The following NUDCD3 variants were observed in gnomAD, a reference collection of about 807,000 sequenced individuals.
NUDCD3 encodes nudC domain-containing protein 3.
Under a neutral mutation model 39.7 loss-of-function variants are expected in NUDCD3, and 13 were observed. The ratio of observed to expected loss-of-function variants is 0.33; its 90% CI spans 0.21 to 0.52. The LOEUF (loss-of-function observed/expected upper bound fraction) is 0.52. NUDCD3 is among the 20% of genes least tolerant of loss of function. The pLI is 0.96. For missense variants in NUDCD3, 453 were observed against 458.1 expected (o/e 0.99, Z 0.10); for synonymous variants, 175 against 172.4 (o/e 1.02, Z -0.12).
At position 44,418,518 on chromosome 7, in the gene NUDCD3, T is replaced by C. The variant is rs527353690; in HGVS notation, c.642+9053A>G. Among the ~76,000 whole-genome samples, 47 of 152,356 alleles carry C rather than the reference T, an allele frequency of 3.1e-4. No homozygotes were observed. The South Asian group carries it at 8.9e-3, about 29-fold the overall frequency. ...TCCAGAGTGCTCACTGTTCCAGGCA[T>C]AACAACAAGGGAGATGACACTGTGG... On this transcript the variant is annotated intron_variant, in intron 3 of 5. Coordinates refer to ENST00000355451, the MANE Select transcript of NUDCD3 (RefSeq NM_015332.4).
At chr7:44,470,720 C>A (rs2116964370) in intron 2 of NUDCD3, among the ~76,000 whole-genome samples, 1 of 152,342 alleles carries the variant, frequency 6.6e-6, no homozygotes, top group East Asian at 1.9e-4. Context: ...CAGCTGACAG[C>A]CTGACGGCTC....
At chr7:44,434,276 C>T (rs1245427042) in intron 2 of NUDCD3, among the ~76,000 whole-genome samples, 2 of 152,152 alleles carry the variant, frequency 1.3e-5, no homozygotes, top group Non-Finnish European at 2.9e-5. Flanking sequence ...CGCCAGCAAC[C>T]CAGACGTAGC....
chr7:44,488,736 C>A (rs752688201), intron 1 of NUDCD3, among the ~76,000 whole-genome samples: 5 of 152,156 alleles, frequency 3.3e-5, no homozygotes, highest in Non-Finnish European at 4.4e-5. Flanking sequence ...TTTGACCCAT[C>A]CCTCCCCTTC....
rs756247647 is a variant in NUDCD3, at chr7:44,469,115, CAAA to C, written c.509+15850_509+15852del. 7.7e-3 allele frequency among the ~76,000 whole-genome samples: 254 copies of C among 32,848 alleles called. 2 individuals carry two copies. Among genetic ancestry groups the C allele is most frequent in the African/African-American group, 0.028 (199 of 7,112 alleles). The allele number at this position is 32,848 out of a possible 152,430, so 21.5% of individuals were successfully genotyped here. A position where few individuals can be genotyped will look rare whatever the true frequency, so the allele number is the denominator to read the frequency against. ...AGGGCCAGTTTTCAAACAAACAAAC[CAAA>C]AAAAAAAAAAAAAAAAAAAAAAACA... On this transcript the variant is annotated intron_variant, in intron 2 of 5. Coordinates refer to ENST00000355451, the MANE Select transcript of NUDCD3 (RefSeq NM_015332.4).
intron 5 of NUDCD3, among the ~76,000 whole-genome samples, chr7:44,389,866 G>A (rs911446700): frequency 2.6e-5 from 4 of 152,174 alleles, no homozygotes; most frequent in African/African-American, 9.7e-5. Context: ...GGGCAAGGAT[G>A]TAGAGAAGAA....
chr7:44,432,982 G>A (rs925038313), intron 2 of NUDCD3, among the ~76,000 whole-genome samples: 1 of 152,190 alleles, frequency 6.6e-6, no homozygotes, highest in Non-Finnish European at 1.5e-5. Flanking sequence ...TAGGAGGTAA[G>A]GCCTTTAGAA....
chr7:44,448,871 G>T (rs773839926), intron 2 of NUDCD3, among the ~76,000 whole-genome samples: 3 of 152,218 alleles, frequency 2.0e-5, no homozygotes, highest in Non-Finnish European at 2.9e-5. Context: ...CACAGTGATA[G>T]CATGATTTAG....
chr7:44,470,207 T>C (rs1800226040), intron 2 of NUDCD3, among the ~76,000 whole-genome samples: 1 of 152,168 alleles, frequency 6.6e-6, no homozygotes, highest in Non-Finnish European at 1.5e-5. Flanking sequence ...TTAACAGTTA[T>C]ATGAGAGAGA....
chr7:44,390,552 C>T (rs1798494842), intron 5 of NUDCD3, among the ~76,000 whole-genome samples: 1 of 152,120 alleles, frequency 6.6e-6, no homozygotes, highest in African/African-American at 2.4e-5. Context: ...CACAAAAAGA[C>T]ACTTCTAAGG....
rs1798298050 is a variant in NUDCD3, at chr7:44,381,078, G to A, written c.*4933C>T. On this transcript the variant is annotated 3_prime_UTR_variant, in exon 6 of 6. Transcript: ENST00000355451. ...TGGGGTCAGTGCAGCGGCAATGTCT[G>A]GGTTGTTGAGGGTTTTGATGGGTGA... 1.3e-5 allele frequency: 2 copies of A among 152,298 alleles called. No homozygotes were observed. The allele number at this position is 152,298 out of a possible 1,614,324, so 9.4% of individuals were successfully genotyped here.
chr7:44,392,239 C>A, intron 5 of NUDCD3, 58 bp downstream of exon 5: 1 of 1,535,094 alleles, frequency 6.5e-7, no homozygotes, highest in Non-Finnish European at 8.9e-7. Flanking sequence ...CCACTATCGG[C>A]CTTGTCACCA....
intron 1 of NUDCD3, among the ~76,000 whole-genome samples, chr7:44,489,616 A>G (rs1800689663): frequency 6.6e-6 from 1 of 152,206 alleles, no homozygotes; most frequent in Non-Finnish European, 1.5e-5. Flanking sequence ...TCTCTTATAA[A>G]AACTTCACTT....
chr7:44,442,821 G>A (rs542529346), intron 2 of NUDCD3, among the ~76,000 whole-genome samples: 2 of 149,130 alleles, frequency 1.3e-5, no homozygotes, highest in African/African-American at 2.5e-5. Context: ...TCAGCCTCCC[G>A]AGTAGCTGGG....
chr7:44,392,679 C>G (rs1378677425), intron 4 of NUDCD3, among the ~76,000 whole-genome samples, 194 bp from the exon 5 acceptor site: 1 of 152,182 alleles, frequency 6.6e-6, no homozygotes, highest in Non-Finnish European at 1.5e-5. Context: ...CATTTGCTGC[C>G]TGTGCTAACA....
chr7:44,381,939 G>A lies in NUDCD3; in HGVS notation c.*4072C>T, dbSNP rs1585043587. 2.0e-5 allele frequency: 3 copies of A among 152,408 alleles called. No individual in the cohort carries two copies. Among genetic ancestry groups the A allele is most frequent in the Admixed American group, 2.0e-4 (3 of 15,296 alleles). 9.4% of individuals were successfully genotyped at this position (152,408 alleles called of 1,614,324 possible). A position where few individuals can be genotyped will look rare whatever the true frequency, so the allele number is the denominator to read the frequency against. ...TCAGTGACAGTTCATCCTGCCATGG[G>A]CTCTGGTCTCCCCATCACCCTCTGA... On this transcript the variant is annotated 3_prime_UTR_variant, in exon 6 of 6. Coordinates refer to ENST00000355451, the MANE Select transcript of NUDCD3 (RefSeq NM_015332.4).
chr7:44,382,231 A>T lies in NUDCD3; in HGVS notation c.*3780T>A, dbSNP rs532649728. ...AGGAAGGTGAGGACTGAAAAACTAC[A>T]TATCAGGTATCATGCTGATTACCTG... is the stretch of plus-strand genomic sequence containing the variant. On this transcript the variant is annotated 3_prime_UTR_variant, in exon 6 of 6. Transcript: ENST00000355451. The T allele has an allele frequency of 1.3e-5, 2 of 152,152 alleles. No homozygotes were observed. Among genetic ancestry groups the T allele is most frequent in the Non-Finnish European group, 2.9e-5 (2 of 68,024 alleles). 9.4% of individuals were successfully genotyped at this position (152,152 alleles called of 1,614,324 possible).
intron 2 of NUDCD3, among the ~76,000 whole-genome samples, chr7:44,437,611 T>C (rs1007778154): frequency 2.0e-5 from 3 of 152,234 alleles, no homozygotes; most frequent in Non-Finnish European, 2.9e-5. Flanking sequence ...GCAGCCCCAC[T>C]GATACTGTTT....
chr7:44,401,762 T>C (rs994390010), intron 4 of NUDCD3, among the ~76,000 whole-genome samples: 4 of 152,084 alleles, frequency 2.6e-5, no homozygotes, highest in African/African-American at 9.7e-5. Context: ...AGGTGTTTCA[T>C]GAAAGCTAAC....
intron 5 of NUDCD3, among the ~76,000 whole-genome samples, chr7:44,388,712 TGAGGA>T (rs750346502): frequency 3.3e-5 from 5 of 152,178 alleles, no homozygotes; most frequent in Non-Finnish European, 7.4e-5. Context: ...CCCTGGCTGT[TGAGGA>T]GCAGGTCAAT....
Sources: gnomAD v4.1 joint callset for allele counts (sites outside exome capture counted in the v4.1 genomes callset) on GRCh38, gnomAD v4.1.1 for gene constraint, MANE v1.5 for transcripts, NCBI Gene and HGNC (gene_info 2026-07-23, HGNC 2026-07-21) for gene names.